Variants in MYCBP2 observed in about 807,000 individuals in gnomAD.
MYCBP2 encodes E3 ubiquitin-protein ligase MYCBP2.
MYCBP2 carries 120 observed loss-of-function variants against 525.3 expected under a neutral mutation model. The ratio of observed to expected loss-of-function variants is 0.23; its 90% CI spans 0.20 to 0.27. The LOEUF is 0.27. Among genes scored for constraint, MYCBP2 ranks in the 10% least tolerant of loss-of-function variants. The pLI is 1.00. For missense variants in MYCBP2, 4,149 were observed against 5,657.1 expected, an observed-to-expected ratio of 0.73 and a Z score of 8.55; for synonymous variants, 1,894 against 1,955.8, an observed-to-expected ratio of 0.97 and a Z score of 0.83.
intron 26 of MYCBP2, among the ~76,000 whole-genome samples, chr13:77,199,395 T>C (rs4885446): frequency 0.73 from 111,249 of 152,102 alleles, 41,908 homozygotes; most frequent in Middle Eastern, 0.84. Context: ...GGTCCTACGC[T>C]CATGGAGTCT....
At position 77,224,660 on chromosome 13, in the gene MYCBP2, G is replaced by A; in HGVS notation, c.2858-128C>T. The A allele has an allele frequency of 5.9e-6, 3 of 511,282 alleles. No homozygotes were observed. The South Asian group carries it at 1.2e-4, about 21-fold the overall frequency. 31.7% of individuals were successfully genotyped at this position (511,282 alleles called of 1,614,324 possible). ...GAACCATTAAAAATAGGTAACTGAA[G>A]GACAAATTTGTATTTAATGAGAAAT... On this transcript the variant is annotated intron_variant, in intron 19 of 82. Transcript: ENST00000544440.
intron 1 of MYCBP2, among the ~76,000 whole-genome samples, chr13:77,322,423 C>T (rs577364672): frequency 1.3e-5 from 2 of 152,280 alleles, no homozygotes; most frequent in Admixed American, 1.3e-4. Flanking sequence ...CATCACTTTC[C>T]TTTTTACCAT....
intron 32 of MYCBP2, among the ~76,000 whole-genome samples, chr13:77,183,541 CTTTTT>C (rs60927409): frequency 7.3e-4 from 48 of 66,064 alleles, no homozygotes; most frequent in African/African-American, 3.0e-3. Context: ...GTCCCTATTT[CTTTTT>C]TTTTTTTTTT....
chr13:77,289,153 A>G (rs538444181), intron 2 of MYCBP2, among the ~76,000 whole-genome samples: 6 of 152,276 alleles, frequency 3.9e-5, no homozygotes, highest in African/African-American at 1.2e-4. Flanking sequence ...TCAAGTACCA[A>G]AAACACTTGG....
chr13:77,313,831 T>G lies in MYCBP2; in HGVS notation c.302+12643A>C, dbSNP rs193128670. On this transcript the variant is annotated intron_variant, in intron 1 of 82. Transcript: ENST00000544440. The stretch of plus-strand genomic sequence containing the variant: ...AACAATAAGAAAACAAACAACTCAA[T>G]TAAAGATGGGGCAAAGACCTTAACA... Among the ~76,000 whole-genome samples the G allele has an allele frequency of 9.1e-4, 138 of 151,946 alleles. 1 individual carries two copies. The highest frequency in any genetic ancestry group is 3.4e-3 in the Middle Eastern group (1 of 294).
chr13:77,240,923 T>C (rs1430618618), intron 17 of MYCBP2, among the ~76,000 whole-genome samples: 1 of 152,106 alleles, frequency 6.6e-6, no homozygotes, highest in Non-Finnish European at 1.5e-5. Context: ...TACCAAAAAA[T>C]AAGGACAAGA....
chr13:77,261,991 G>A, intron 11 of MYCBP2, 62 bp downstream of exon 11: 1 of 1,299,614 alleles, frequency 7.7e-7, no homozygotes, highest in Non-Finnish European at 1.1e-6. Flanking sequence ...CTAATCAACA[G>A]ATTGTATTTT....
intron 3 of MYCBP2, among the ~76,000 whole-genome samples, chr13:77,287,544 A>C (rs2077007307): frequency 6.6e-6 from 1 of 152,176 alleles, no homozygotes; most frequent in African/African-American, 2.4e-5. Flanking sequence ...CTGGTAAATA[A>C]GGGAGTAATA....
chr13:77,071,121 G>C (rs902569020), intron 68 of MYCBP2, among the ~76,000 whole-genome samples: 1 of 143,330 alleles, frequency 7.0e-6, no homozygotes, highest in Non-Finnish European at 1.5e-5. Flanking sequence ...TTAAGCTATC[G>C]GAACACCAAG....
intron 68 of MYCBP2, 133 bp downstream of exon 68, chr13:77,076,618 T>C (rs2042346643): frequency 1.8e-6 from 1 of 569,946 alleles, no homozygotes; most frequent in Non-Finnish European, 3.0e-6. Flanking sequence ...TTCCTTCATC[T>C]TTCTAAGAAC....
intron 27 of MYCBP2, among the ~76,000 whole-genome samples, chr13:77,193,156 T>G (rs999394601): frequency 6.6e-6 from 1 of 151,886 alleles, no homozygotes; most frequent in Admixed American, 6.6e-5. Context: ...AATGAATAAA[T>G]AAAGAAATAA....
chr13:77,284,371 C>T (rs777601043), intron 3 of MYCBP2, among the ~76,000 whole-genome samples: 47 of 152,056 alleles, frequency 3.1e-4, no homozygotes, highest in Non-Finnish European at 4.7e-4. Context: ...GGCTGAGGCA[C>T]AGAGAAGGTC....
At chr13:77,046,593 T>C (rs1418685343) in intron 82 of MYCBP2, among the ~76,000 whole-genome samples, 2 of 152,206 alleles carry the variant, frequency 1.3e-5, no homozygotes. Flanking sequence ...TGTTGGCTAT[T>C]ACTACTATTA....
rs750319848 is a variant in MYCBP2, at chr13:77,174,300, C to T, written c.5651+11G>A. 3.7e-6 allele frequency: 6 copies of T among 1,612,706 alleles called. No homozygotes were observed. The highest frequency in any genetic ancestry group is 1.7e-4 in the Middle Eastern group (1 of 6,060). On this transcript the variant is annotated intron_variant, in intron 37 of 82. Transcript: ENST00000544440. ...GTAAAGTATTTCCGTTATCTCTATACATTCACCCACCTATAGTAGAGTATC... is the reference window on the plus strand; with the variant it reads ...GTAAAGTATTTCCGTTATCTCTATATATTCACCCACCTATAGTAGAGTATC...
chr13:77,131,487 A>AACACACAC (rs369448891), intron 52 of MYCBP2, among the ~76,000 whole-genome samples: 22 of 136,214 alleles, frequency 1.6e-4, no homozygotes, highest in African/African-American at 3.5e-4. Context: ...CTTCATCTCA[A>AACACACAC]ACACACACAC....
At chr13:77,316,115 T>C (rs2080904206) in intron 1 of MYCBP2, among the ~76,000 whole-genome samples, 1 of 151,634 alleles carries the variant, frequency 6.6e-6, no homozygotes, top group Non-Finnish European at 1.5e-5. Flanking sequence ...GGCTGAGGGG[T>C]AGGAGAATCT....
At chr13:77,150,642 A>T in intron 47 of MYCBP2, 92 bp downstream of exon 47, 1 of 1,017,522 alleles carries the variant, frequency 9.8e-7, no homozygotes, top group Non-Finnish European at 1.5e-6. Context: ...CTTTGGACTT[A>T]CAATTTCATG....
At position 77,062,588 on chromosome 13, in the gene MYCBP2, G is replaced by A. The variant is rs1185951511; in HGVS notation, c.12774+8C>T. Reference sequence around the variant, plus strand: ...GCAAGATAAATTCTTACAAAATTCTGATCTTACCATTTGTTTTTGTTGTCC... The same window carrying A: ...GCAAGATAAATTCTTACAAAATTCTAATCTTACCATTTGTTTTTGTTGTCC... On this transcript the variant is annotated splice_region_variant and intron_variant, in intron 74 of 82. Transcript: ENST00000544440. The A allele has an allele frequency of 6.2e-7, 1 of 1,607,782 alleles. No homozygotes were observed. Among genetic ancestry groups the A allele is most frequent in the Non-Finnish European group, 8.5e-7 (1 of 1,174,250 alleles).
rs890441157 is a variant in MYCBP2 at position 77,326,828 on chromosome 13, GAC to G, written c.-55_-54del. On this transcript the variant is annotated 5_prime_UTR_variant, in exon 1 of 83. Transcript: ENST00000544440. The surrounding 1 kb of genome is among the most constrained non-coding windows in gnomAD (Gnocchi z 4.2). ...CTCGTCCCCGCGGGCCGGGCGGGCA[GAC>G]ACGCGCGCGCACACACAGCCCTTTT... 1.6e-5 allele frequency: 22 copies of G among 1,374,326 alleles called. No individual in the cohort carries two copies. The South Asian group carries it at 2.1e-4, about 13-fold the overall frequency. 85.1% of individuals were successfully genotyped at this position (1,374,326 alleles called of 1,614,324 possible).
Sources: gnomAD v4.1 joint callset for allele counts (sites outside exome capture counted in the v4.1 genomes callset) on GRCh38, gnomAD v4.1.1 for gene constraint, Gnocchi (gnomAD v3.1) non-coding constraint, MANE v1.5 for transcripts, NCBI Gene and HGNC (gene_info 2026-07-23, HGNC 2026-07-21) for gene names.